PARN: variants seen among roughly 807,000 people sequenced by gnomAD.
The protein encoded by PARN is poly(A)-specific ribonuclease PARN.
Under a neutral mutation model 102.8 loss-of-function variants are expected in PARN, and 71 were observed. The ratio of observed to expected loss-of-function variants is 0.69; its 90% CI spans 0.57 to 0.84. The LOEUF (loss-of-function observed/expected upper bound fraction) is 0.84, where lower values mean the gene tolerates loss of function less well. Among genes scored for constraint, PARN ranks in the 40% least tolerant of loss-of-function variants. The pLI is 0.00. For missense variants in PARN, 782 were observed against 760.9 expected, an observed-to-expected ratio of 1.03 and a Z score of -0.33; for synonymous variants, 261 against 252.9, an observed-to-expected ratio of 1.03 and a Z score of -0.30.
At chr16:14,627,052 C>T in intron 5 of PARN, 54 bp downstream of exon 5, 1 of 1,002,150 alleles carries the variant, frequency 1.0e-6, no homozygotes, top group Non-Finnish European at 1.6e-6. Flanking sequence ...TTTCACATTT[C>T]CATGCTGCCT....
At chr16:14,590,317 A>T (rs1278334291) in intron 13 of PARN, among the ~76,000 whole-genome samples, 1 of 151,502 alleles carries the variant, frequency 6.6e-6, no homozygotes, top group African/African-American at 2.4e-5. Context: ...ACATAAAATA[A>T]ACATTAGCTC....
chr16:14,513,035 G>A lies in PARN; in HGVS notation c.1481-30208C>T, dbSNP rs539732585. Among the ~76,000 whole-genome samples, 9 of 152,044 alleles carry A rather than the reference G, an allele frequency of 5.9e-5. No homozygotes were observed. In the South Asian group the frequency reaches 8.4e-4, roughly 14 times the overall value. ...TACCTCCAGGATTCAAGCGATTCTC[G>A]TACCTCAGCCTCCTGAGTAGCTGGG... On this transcript the variant is annotated intron_variant, in intron 21 of 23. Transcript: ENST00000437198.
chr16:14,523,769 G>A (rs1965857808), intron 21 of PARN, among the ~76,000 whole-genome samples: 1 of 152,118 alleles, frequency 6.6e-6, no homozygotes, highest in Admixed American at 6.5e-5. Context: ...GACATAAAGG[G>A]CTCAGTCATT....
intron 5 of PARN, among the ~76,000 whole-genome samples, chr16:14,622,276 A>G (rs532742265): frequency 6.6e-6 from 1 of 152,220 alleles, no homozygotes; most frequent in African/African-American, 2.4e-5. Flanking sequence ...AAATGCATAT[A>G]TCCTATGTCT....
intron 21 of PARN, among the ~76,000 whole-genome samples, chr16:14,548,403 G>C (rs902570731): frequency 3.9e-5 from 6 of 152,128 alleles, no homozygotes; most frequent in South Asian, 4.1e-4. Context: ...AGAGACATTA[G>C]TTACATCCAT....
At chr16:14,488,905 GAAAGAGAAAGAGGGCTCC>G (rs1468001823) in intron 21 of PARN, among the ~76,000 whole-genome samples, 1 of 150,468 alleles carries the variant, frequency 6.6e-6, no homozygotes, top group East Asian at 1.9e-4. Flanking sequence ...TAGCTAAAAA[GAAAGAGAAAGAGGGCTCC>G]AAATCCTTAT....
In PARN at chr16:14,479,869, T is replaced by C. The variant is rs576602021; in HGVS notation, c.1670+2769A>G. ...ATCTTACTCCACATACACAATTAAT[T>C]TGAAATGGGTCATGACCTAAATGTA... On this transcript the variant is annotated intron_variant, in intron 22 of 23. Transcript: ENST00000437198. Among the ~76,000 whole-genome samples, 3 of 151,430 alleles carry C rather than the reference T, an allele frequency of 2.0e-5. No individual in the cohort carries two copies. In the South Asian group the frequency reaches 6.3e-4, roughly 32 times the overall value.
chr16:14,588,742 T>C (rs531843198), intron 13 of PARN, among the ~76,000 whole-genome samples: 2 of 151,732 alleles, frequency 1.3e-5, no homozygotes, highest in Non-Finnish European at 1.5e-5. Context: ...ATTAGCCAGA[T>C]GTGGTGGCGT....
intron 21 of PARN, among the ~76,000 whole-genome samples, chr16:14,492,302 A>T (rs1014167225): frequency 6.6e-6 from 1 of 152,178 alleles, no homozygotes; most frequent in Non-Finnish European, 1.5e-5. Context: ...CTGACCCATG[A>T]GATGCACTCA....
chr16:14,496,542 C>T (rs960295934), intron 21 of PARN, among the ~76,000 whole-genome samples: 2 of 152,104 alleles, frequency 1.3e-5, no homozygotes, highest in African/African-American at 4.8e-5. Context: ...AGCTGAAAGA[C>T]CTAAGCAATT....
At chr16:14,485,856 T>C (rs1423562039) in intron 21 of PARN, among the ~76,000 whole-genome samples, 1 of 152,110 alleles carries the variant, frequency 6.6e-6, no homozygotes, top group African/African-American at 2.4e-5. Context: ...CCTGGCTAAT[T>C]TTTGTAATTT....
intron 22 of PARN, among the ~76,000 whole-genome samples, chr16:14,475,265 T>C (rs924700344): frequency 2.2e-4 from 33 of 152,218 alleles, no homozygotes; most frequent in Non-Finnish European, 1.6e-4. Context: ...ATTAATAAAA[T>C]GGGAATAGTA....
chr16:14,530,861 C>A (rs952248579), intron 21 of PARN, among the ~76,000 whole-genome samples: 4 of 152,168 alleles, frequency 2.6e-5, no homozygotes, highest in Non-Finnish European at 4.4e-5. Context: ...TAAGATGTAG[C>A]CCCCATGCAG....
At chr16:14,460,127 T>C (rs1206318488) in intron 22 of PARN, among the ~76,000 whole-genome samples, 1 of 152,148 alleles carries the variant, frequency 6.6e-6, no homozygotes, top group East Asian at 1.9e-4. Flanking sequence ...TGAATCAGCC[T>C]CAGAGAAAAG....
chr16:14,515,197 GA>G (rs1212902148), intron 21 of PARN, among the ~76,000 whole-genome samples: 4 of 152,106 alleles, frequency 2.6e-5, no homozygotes, highest in African/African-American at 4.8e-5. Flanking sequence ...GGCTGGACTT[GA>G]ACTCCTGGGC....
chr16:14,458,830 TGGAG>T (rs1330537529), intron 22 of PARN, among the ~76,000 whole-genome samples: 1 of 152,152 alleles, frequency 6.6e-6, no homozygotes, highest in African/African-American at 2.4e-5. Flanking sequence ...GTTTATACTC[TGGAG>T]AAAGCGATCT....
rs1969497448 is a variant in PARN at position 14,580,958 on chromosome 16, A to C, written c.1193-15T>G. The C allele has an allele frequency of 3.9e-6, 6 of 1,555,152 alleles. No individual in the cohort carries two copies. Among genetic ancestry groups the C allele is most frequent in the Non-Finnish European group, 5.3e-6 (6 of 1,126,768 alleles). ...GAGAAAAGAACCTAATGAAGAAAAG[A>C]AGAGAGGTATTATTATTCATAGTCA... On this transcript the variant is annotated splice_polypyrimidine_tract_variant and intron_variant, in intron 17 of 23. Coordinates refer to ENST00000437198, the MANE Select transcript of PARN (RefSeq NM_002582.4).
Position 14,593,394 on chromosome 16 carries a change from G to C in PARN, c.841-16C>G. The C allele has an allele frequency of 3.0e-6, 4 of 1,344,220 alleles. No individual in the cohort carries two copies. The highest frequency in any genetic ancestry group is 3.1e-6 in the Non-Finnish European group (3 of 977,734). The allele number at this position is 1,344,220 out of a possible 1,614,324, so 83.3% of individuals were successfully genotyped here. A position where few individuals can be genotyped will look rare whatever the true frequency, so the allele number is the denominator to read the frequency against. ...CAAGTTTTCCCTAAAGAAAGTCAAG[G>C]TTAGAAAAAAGACTTCTACATTCGA... On this transcript the variant is annotated splice_polypyrimidine_tract_variant and intron_variant, in intron 12 of 23. Coordinates refer to ENST00000437198, the MANE Select transcript of PARN (RefSeq NM_002582.4).
rs1175035635 is a variant in PARN at position 14,501,467 on chromosome 16, G to GA, written c.1481-18641dup. ...AAAAAAAAAAAAAAAAAAACAGAAA[G>GA]AAAAAGAGAATGAATGTTAAAATGT... On this transcript the variant is annotated intron_variant, in intron 21 of 23. Coordinates refer to ENST00000437198, the MANE Select transcript of PARN (RefSeq NM_002582.4). The GA allele has an allele frequency of 8.2e-5, 5 of 60,882 alleles. No homozygotes were observed. The Admixed American group carries it at 9.7e-4, about 12-fold the overall frequency. 3.8% of individuals were successfully genotyped at this position (60,882 alleles called of 1,614,324 possible).
Sources: allele counts gnomAD v4.1 joint callset (sites outside exome capture counted in the v4.1 genomes callset), GRCh38; gene constraint gnomAD v4.1.1; transcripts MANE v1.5; gene names NCBI Gene and HGNC (gene_info 2026-07-23, HGNC 2026-07-21).